Variants in TATDN1 observed in about 807,000 individuals in gnomAD.
TATDN1 encodes TatD DNase domain containing 1.
In TATDN1, 40 loss-of-function variants were observed where a neutral mutation model predicts 46.4. The ratio of observed to expected loss-of-function variants is 0.86; its 90% CI spans 0.67 to 1.12. TATDN1 has a LOEUF of 1.12. Ranked by LOEUF, TATDN1 falls within the 50% of genes most tolerant of loss-of-function variation. The pLI is 0.00. For missense variants in TATDN1, 326 were observed against 348.4 expected, an observed-to-expected ratio of 0.94 and a Z score of 0.51; for synonymous variants, 95 against 105.6, an observed-to-expected ratio of 0.90 and a Z score of 0.62.
chr8:124,501,989 T>C (rs946051769), intron 9 of TATDN1, among the ~76,000 whole-genome samples: 4 of 152,156 alleles, frequency 2.6e-5, no homozygotes, highest in Non-Finnish European at 5.9e-5. Flanking sequence ...ACAGTATAAA[T>C]TCTCAATGAA....
chr8:124,510,666 A>T (rs1036952438), intron 6 of TATDN1, among the ~76,000 whole-genome samples: 11 of 151,938 alleles, frequency 7.2e-5, no homozygotes, highest in Non-Finnish European at 1.0e-4. Flanking sequence ...TCTACAAAAA[A>T]TACAAGAATT....
In TATDN1 at chr8:124,507,157, T is replaced by C. The variant is rs547807682; in HGVS notation, c.516+1317A>G. 8.1e-5 allele frequency among the ~76,000 whole-genome samples: 12 copies of C among 149,030 alleles called. No homozygotes were observed. The South Asian group carries it at 2.5e-3, about 31-fold the overall frequency. ...AGCCTGGTGACAGAGCGAGACTCCA[T>C]CTCAAAAAAAAAAAAATCACTGCCA... On this transcript the variant is annotated intron_variant, in intron 8 of 11. Coordinates refer to ENST00000276692, the MANE Select transcript of TATDN1 (RefSeq NM_032026.4).
intron 9 of TATDN1, among the ~76,000 whole-genome samples, chr8:124,502,340 CAAAAAA>C (rs1278936566): frequency 1.1e-4 from 7 of 64,698 alleles, no homozygotes; most frequent in African/African-American, 4.0e-4. Context: ...GAGTCCCTCT[CAAAAAA>C]AAAAAAAAAA....
intron 9 of TATDN1, among the ~76,000 whole-genome samples, chr8:124,496,964 T>C (rs1337303653): frequency 6.6e-6 from 1 of 152,186 alleles, no homozygotes; most frequent in African/African-American, 2.4e-5. Context: ...TCAGGATGTT[T>C]CAACATGTAT....
intron 9 of TATDN1, among the ~76,000 whole-genome samples, chr8:124,496,728 T>C (rs1254957426): frequency 1.3e-5 from 2 of 152,212 alleles, no homozygotes; most frequent in Non-Finnish European, 2.9e-5. Context: ...GAGGAACATC[T>C]TGGTTGCTTC....
intron 6 of TATDN1, 25 bp from the exon 7 acceptor site, chr8:124,508,713 T>C: frequency 7.3e-7 from 1 of 1,369,084 alleles, no homozygotes. Flanking sequence ...AAAAAAAAAT[T>C]CTCATTACAA....
intron 1 of TATDN1, among the ~76,000 whole-genome samples, chr8:124,530,873 AAAG>A (rs1820893767): frequency 3.3e-5 from 5 of 152,296 alleles, no homozygotes; most frequent in African/African-American, 1.2e-4. Context: ...TTCTGGGTCT[AAAG>A]ATGAGGCTCT....
At chr8:124,514,492 G>A (rs921956499) in intron 6 of TATDN1, among the ~76,000 whole-genome samples, 1 of 152,158 alleles carries the variant, frequency 6.6e-6, no homozygotes, top group African/African-American at 2.4e-5. Context: ...TATTCTTAAA[G>A]GTCTCTAGGG....
At chr8:124,520,056 A>G (rs963077065) in intron 3 of TATDN1, among the ~76,000 whole-genome samples, 1 of 152,392 alleles carries the variant, frequency 6.6e-6, no homozygotes, top group South Asian at 2.1e-4. Flanking sequence ...ATATTTTCAT[A>G]TAGCTATTTA....
At chr8:124,503,711 C>A (rs939766985) in intron 9 of TATDN1, 2 of 299,986 alleles carry the variant, frequency 6.7e-6, no homozygotes, top group African/African-American at 2.2e-5. Context: ...GTGACAAAAC[C>A]AACCCAGAGA....
chr8:124,523,438 T>A (rs1820224025), intron 1 of TATDN1: 1 of 162,364 alleles, frequency 6.2e-6, no homozygotes, highest in Admixed American at 6.2e-5. Context: ...GCCTTCAAGA[T>A]GGGAAAGAGC....
intron 6 of TATDN1, among the ~76,000 whole-genome samples, chr8:124,515,359 C>T (rs984407791): frequency 3.9e-5 from 6 of 152,054 alleles, no homozygotes; most frequent in Non-Finnish European, 8.8e-5. Context: ...CCAGCCTGGG[C>T]GACAGAGAGA....
rs1481908439 is a variant in TATDN1 at position 124,515,749 on chromosome 8, A to G, written c.386T>C (p.Leu129Pro). ...TAAAGCCAACAAATTTCCTTACTTG[A>G]GTTGAGTATCTTTGGGACAAAACTG... ...RLQFCPKDTQ[L>P]KYFEKQFELS... Residue 129 changes from leucine (L) to proline (P), a missense_variant, in exon 6 of 12, where the codon CTC (leucine) becomes CCC (proline). By Grantham distance (98) the Leu-to-Pro change is moderately conservative. Coordinates refer to ENST00000276692, the MANE Select transcript of TATDN1 (RefSeq NM_032026.4). 6 of 1,612,884 alleles carry G rather than the reference A, an allele frequency of 3.7e-6. No individual in the cohort carries two copies. In the South Asian group the frequency reaches 6.6e-5, roughly 18 times the overall value.
chr8:124,514,479 G>A (rs1819290183), intron 6 of TATDN1, among the ~76,000 whole-genome samples: 1 of 152,084 alleles, frequency 6.6e-6, no homozygotes, highest in Non-Finnish European at 1.5e-5. Flanking sequence ...ACAGAGGATT[G>A]TTTATTCTTA....
intron 6 of TATDN1, among the ~76,000 whole-genome samples, chr8:124,510,390 C>T (rs1267034480): frequency 6.6e-6 from 1 of 152,200 alleles, no homozygotes; most frequent in Non-Finnish European, 1.5e-5. Flanking sequence ...GTGTGCACTG[C>T]TCCACGCTGT....
Position 124,508,595 on chromosome 8 carries a change from T to G in TATDN1, c.475+8A>C, listed in dbSNP as rs748425802. 2.1e-5 allele frequency: 33 copies of G among 1,606,958 alleles called. No homozygotes were observed. The highest frequency in any genetic ancestry group is 2.7e-5 in the Non-Finnish European group (32 of 1,176,998). On this transcript the variant is annotated splice_region_variant and intron_variant, in intron 7 of 11. Transcript: ENST00000276692. ...TAAGTTCTGAATGAGACTTTGGTTT[T>G]AACTCACCCAAAAATTCAGCATGTG...
intron 11 of TATDN1, among the ~76,000 whole-genome samples, chr8:124,493,283 C>T (rs1817181691): frequency 6.6e-6 from 1 of 152,076 alleles, no homozygotes; most frequent in Admixed American, 6.6e-5. Flanking sequence ...TCTGTTTGTG[C>T]AAACAAAAGA....
intron 10 of TATDN1, chr8:124,494,529 TAA>T (rs1817291207): frequency 6.6e-6 from 1 of 152,292 alleles, no homozygotes; most frequent in Non-Finnish European, 1.5e-5. Context: ...AGGGTTTAGA[TAA>T]AAGTTTTAGC....
At chr8:124,536,589 A>G (rs183645717) in intron 1 of TATDN1, among the ~76,000 whole-genome samples, 2 of 152,334 alleles carry the variant, frequency 1.3e-5, no homozygotes, top group Non-Finnish European at 2.9e-5. Flanking sequence ...TCTAAGGGGC[A>G]GCCACTTGTT....
Sources: gnomAD v4.1 joint callset for allele counts (sites outside exome capture counted in the v4.1 genomes callset) on GRCh38, gnomAD v4.1.1 for gene constraint, MANE v1.5 for transcripts, NCBI Gene and HGNC (gene_info 2026-07-23, HGNC 2026-07-21) for gene names.